TDRP: variants seen among roughly 807,000 people sequenced by gnomAD.
TDRP encodes testis development-related protein.
TDRP carries 12 observed loss-of-function variants against 10.5 expected under a neutral mutation model. The observed-to-expected ratio is 1.15, with a 90% CI of 0.73 to 1.86. TDRP has a LOEUF of 1.86. Among genes scored for constraint, TDRP ranks in the 40% most tolerant of loss-of-function variants. The pLI is 0.00. For missense variants in TDRP, 353 were observed against 229.2 expected, an observed-to-expected ratio of 1.54 and a Z score of -3.49; for synonymous variants, 139 against 95.4, an observed-to-expected ratio of 1.46 and a Z score of -2.67.
At chr8:516,864 G>GC (rs1423225002) in intron 1 of TDRP, among the ~76,000 whole-genome samples, 10 of 152,222 alleles carry the variant, frequency 6.6e-5, no homozygotes, top group Non-Finnish European at 1.5e-4. Flanking sequence ...CAACCAAGAT[G>GC]CCCTTCAGCA....
chr8:496,735 A>G (rs545281744), intron 1 of TDRP, among the ~76,000 whole-genome samples: 2 of 152,186 alleles, frequency 1.3e-5, no homozygotes, highest in Non-Finnish European at 2.9e-5. Context: ...GTGTCCCCAC[A>G]CAAGTCTCAA....
intron 1 of TDRP, among the ~76,000 whole-genome samples, chr8:496,165 G>A (rs1358970107): frequency 6.6e-6 from 1 of 152,118 alleles, no homozygotes; most frequent in Non-Finnish European, 1.5e-5. Context: ...TGAGCATCAG[G>A]TATCAGCTTT....
At chr8:501,946 A>G (rs1801315060) in intron 1 of TDRP, among the ~76,000 whole-genome samples, 1 of 152,206 alleles carries the variant, frequency 6.6e-6, no homozygotes, top group Admixed American at 6.5e-5. Flanking sequence ...ACAGTTCTGG[A>G]CAAAGGCTTA....
intron 1 of TDRP, among the ~76,000 whole-genome samples, chr8:536,170 T>A (rs1802344223): frequency 1.3e-5 from 2 of 152,318 alleles, no homozygotes; most frequent in South Asian, 4.1e-4. Flanking sequence ...TAAGCCCTCA[T>A]CATTCTACCC....
intron 1 of TDRP, among the ~76,000 whole-genome samples, chr8:506,319 G>C (rs188199422): frequency 1.3e-5 from 2 of 152,164 alleles, no homozygotes; most frequent in Non-Finnish European, 2.9e-5. Context: ...TCGGCAGCGG[G>C]GGGAGGGGAG....
intron 1 of TDRP, among the ~76,000 whole-genome samples, chr8:516,201 A>C (rs1455603114): frequency 6.6e-6 from 1 of 152,166 alleles, no homozygotes; most frequent in Non-Finnish European, 1.5e-5. Context: ...AGGTCTCAGG[A>C]GGTTCACATC....
chr8:525,721 T>C lies in TDRP; in HGVS notation c.108+18929A>G, dbSNP rs922988231. 8.5e-5 allele frequency among the ~76,000 whole-genome samples: 13 copies of C among 152,090 alleles called. No homozygotes were observed. The East Asian group carries it at 2.5e-3, about 29-fold the overall frequency. On this transcript the variant is annotated intron_variant, in intron 1 of 2. Transcript: ENST00000324079. ...CAAAAAATAAAAAGAAATTAAAACA[T>C]ACCACAAGAGAAAATCACCGACGGG...
intron 1 of TDRP, among the ~76,000 whole-genome samples, chr8:525,389 T>C (rs1044847335): frequency 6.6e-6 from 1 of 152,170 alleles, no homozygotes; most frequent in South Asian, 2.1e-4. Flanking sequence ...TTACTGGTAA[T>C]ACTAAGTACA....
chr8:530,452 G>GA (rs1437328123), intron 1 of TDRP, among the ~76,000 whole-genome samples: 2 of 152,020 alleles, frequency 1.3e-5, no homozygotes, highest in Non-Finnish European at 2.9e-5. Context: ...TGGGGTATCT[G>GA]AAAAAACAGC....
intron 1 of TDRP, among the ~76,000 whole-genome samples, chr8:525,047 G>A (rs1802001581): frequency 6.6e-6 from 1 of 152,158 alleles, no homozygotes; most frequent in Non-Finnish European, 1.5e-5. Flanking sequence ...CAAAGATAAA[G>A]AAAGGATTCT....
intron 1 of TDRP, among the ~76,000 whole-genome samples, chr8:515,393 C>G (rs1361569671): frequency 6.6e-6 from 1 of 152,198 alleles, no homozygotes; most frequent in Non-Finnish European, 1.5e-5. Flanking sequence ...TGCCCCTTAT[C>G]TGAGATGCTT....
intron 1 of TDRP, among the ~76,000 whole-genome samples, chr8:498,867 G>A (rs943323701): frequency 1.4e-5 from 2 of 141,106 alleles, no homozygotes; most frequent in African/African-American, 5.9e-5. Context: ...TCATTTAAAA[G>A]TGTGTGGCAC....
At chr8:503,237 A>G (rs1801355776) in intron 1 of TDRP, among the ~76,000 whole-genome samples, 1 of 151,234 alleles carries the variant, frequency 6.6e-6, no homozygotes, top group Admixed American at 6.6e-5. Flanking sequence ...TGCCCACCTC[A>G]GCACACACCA....
intron 1 of TDRP, among the ~76,000 whole-genome samples, chr8:535,054 T>A (rs546181823): frequency 6.6e-6 from 1 of 152,202 alleles, no homozygotes; most frequent in African/African-American, 2.4e-5. Context: ...ACACTAGAAC[T>A]AGAATATCTG....
Position 537,030 on chromosome 8 carries a change from C to T in TDRP, c.108+7620G>A, listed in dbSNP as rs375057821. On this transcript the variant is annotated intron_variant, in intron 1 of 2. Transcript: ENST00000324079. ...AAAGAATCTGCATCAAGATCAGCTC[C>T]CCTAAGGCTGGAGAACTCCTGCTCC... Among the ~76,000 whole-genome samples the T allele has an allele frequency of 9.8e-5, 15 of 152,302 alleles. No individual in the cohort carries two copies. The South Asian group carries it at 2.9e-3, about 29-fold the overall frequency.
At chr8:494,854 T>C (rs1411510376) in intron 1 of TDRP, 5 of 313,022 alleles carry the variant, frequency 1.6e-5, no homozygotes. Flanking sequence ...GACAAGTCAA[T>C]ATTTTGCCTC....
intron 1 of TDRP, among the ~76,000 whole-genome samples, chr8:495,377 T>C (rs942820290): frequency 6.6e-6 from 1 of 152,248 alleles, no homozygotes; most frequent in Non-Finnish European, 1.5e-5. Flanking sequence ...AGCATCTCCA[T>C]GGAGACAGTG....
intron 1 of TDRP, among the ~76,000 whole-genome samples, chr8:506,532 G>A (rs1484991779): frequency 6.6e-6 from 1 of 152,238 alleles, no homozygotes; most frequent in Non-Finnish European, 1.5e-5. Context: ...CCGGGAAGGA[G>A]GCGCTGCTGT....
intron 1 of TDRP, among the ~76,000 whole-genome samples, chr8:503,786 G>T (rs889747778): frequency 7.0e-6 from 1 of 143,434 alleles, no homozygotes; most frequent in Admixed American, 6.9e-5. Context: ...CCACACACTG[G>T]AACCCATGCC....
Sources: gnomAD v4.1 joint callset for allele counts (sites outside exome capture counted in the v4.1 genomes callset) on GRCh38, gnomAD v4.1.1 for gene constraint, MANE v1.5 for transcripts, NCBI Gene and HGNC (gene_info 2026-07-23, HGNC 2026-07-21) for gene names.